The following LRRC4C variants were observed in gnomAD, a reference collection of about 807,000 sequenced individuals.
The protein encoded by LRRC4C is leucine rich repeat containing 4C, also known as leucine-rich repeat-containing protein 4C.
LRRC4C carries 5 observed loss-of-function variants against 33.6 expected under a neutral mutation model. That is an observed-to-expected ratio of 0.15 (90% confidence interval 0.08 to 0.31). The LOEUF is 0.31. Among genes scored for constraint, LRRC4C ranks in the 10% least tolerant of loss-of-function variants. LRRC4C has a pLI of 1.00. For synonymous variants in LRRC4C, 329 were observed against 302.0 expected (o/e 1.09, Z -0.93); for missense variants, 560 against 796.7 (o/e 0.70, Z 3.58).
chr11:40,913,593 C>G (rs545745654), intron 2 of LRRC4C, among the ~76,000 whole-genome samples: 1 of 152,116 alleles, frequency 6.6e-6, no homozygotes, highest in Non-Finnish European at 1.5e-5. Flanking sequence ...CAAGAGAAAG[C>G]AGGAAAGATC....
chr11:40,346,768 C>T (rs576503092), intron 3 of LRRC4C, among the ~76,000 whole-genome samples: 1 of 152,120 alleles, frequency 6.6e-6, no homozygotes, highest in African/African-American at 2.4e-5. Context: ...TCTTGAGTGA[C>T]CGAGTACATT....
chr11:40,157,576 A>G (rs1049498637), intron 5 of LRRC4C, among the ~76,000 whole-genome samples: 1 of 152,124 alleles, frequency 6.6e-6, no homozygotes, highest in Non-Finnish European at 1.5e-5. Context: ...AAAACAAACA[A>G]TCCCATCAAA....
chr11:40,115,388 G>C lies in LRRC4C; in HGVS notation c.905C>G (p.Pro302Arg), dbSNP rs373629997. The change falls in exon 7 of 7, where the codon CCT becomes CGT. Residue 302 changes from proline to arginine, a missense_variant. Pro to Arg is a moderately radical substitution (Grantham distance 103). Transcript: ENST00000528697. This position sits in a 1 kb window ranked among gnomAD's most constrained non-coding sequence, Gnocchi z 6.7. Reference sequence around the variant, plus strand: ...CAGTATGTCACAGTTACAGTTCCAAGGGTTGTGATGTAAATGTATCCGCTC... The same window carrying C: ...CAGTATGTCACAGTTACAGTTCCAACGGTTGTGATGTAAATGTATCCGCTC... ...HLERIHLHHN[P>R]WNCNCDILWL... is the part of the protein sequence containing the mutation. 1 of 1,614,070 alleles carries C rather than the reference G, an allele frequency of 6.2e-7. No homozygotes were observed. The highest frequency in any genetic ancestry group is 1.3e-5 in the African/African-American group (1 of 74,930).
At chr11:40,988,713 C>CTTTTTTTTTTT (rs869034558) in intron 1 of LRRC4C, among the ~76,000 whole-genome samples, 5 of 57,744 alleles carry the variant, frequency 8.7e-5, no homozygotes, top group Non-Finnish European at 1.7e-4. Context: ...CTTTTCTTTT[C>CTTTTTTTTTTT]TTTTTTTTTT....
At position 41,230,263 on chromosome 11, in the gene LRRC4C, A is replaced by G. The variant is rs1045433934; in HGVS notation, c.-496+229168T>C. Among the ~76,000 whole-genome samples the G allele has an allele frequency of 1.1e-4, 16 of 152,220 alleles. No individual in the cohort carries two copies. In the South Asian group the frequency reaches 1.7e-3, roughly 16 times the overall value. On this transcript the variant is annotated intron_variant, in intron 1 of 6. Coordinates refer to ENST00000528697, the MANE Select transcript of LRRC4C (RefSeq NM_001258419.2). ...GTTATAGAACTGCATGACCACCATT[A>G]GCTTAAACTCAGAATGTGTAGAAGA...
chr11:40,684,980 A>G (rs1474193795), intron 2 of LRRC4C, among the ~76,000 whole-genome samples: 1 of 152,110 alleles, frequency 6.6e-6, no homozygotes, highest in Non-Finnish European at 1.5e-5. Flanking sequence ...TGAGAAAAAT[A>G]TAATACACTC....
chr11:40,906,658 A>C (rs1259396027), intron 2 of LRRC4C, among the ~76,000 whole-genome samples: 1 of 152,120 alleles, frequency 6.6e-6, no homozygotes, highest in Non-Finnish European at 1.5e-5. Flanking sequence ...GTTGTCTGGA[A>C]CTGAACCTCC....
At chr11:40,871,674 G>C (rs2135943103) in intron 2 of LRRC4C, among the ~76,000 whole-genome samples, 1 of 152,166 alleles carries the variant, frequency 6.6e-6, no homozygotes, top group Non-Finnish European at 1.5e-5. Context: ...AGAACTCAGA[G>C]TTATCTCTTC....
intron 2 of LRRC4C, among the ~76,000 whole-genome samples, chr11:40,862,462 C>T (rs1299793015): frequency 6.6e-6 from 1 of 152,182 alleles, no homozygotes; most frequent in Non-Finnish European, 1.5e-5. Flanking sequence ...TAAAGTAAGA[C>T]ATTTTACAAC....
intron 3 of LRRC4C, among the ~76,000 whole-genome samples, chr11:40,436,398 A>T (rs1259134898): frequency 6.6e-6 from 1 of 152,210 alleles, no homozygotes; most frequent in African/African-American, 2.4e-5. Context: ...CTGCCCCCAA[A>T]AAGTGTCACT....
At chr11:40,673,416 T>C (rs1357865861) in intron 2 of LRRC4C, among the ~76,000 whole-genome samples, 1 of 152,178 alleles carries the variant, frequency 6.6e-6, no homozygotes, top group Admixed American at 6.5e-5. Context: ...TATCTTATTC[T>C]ACAGGCCATA....
chr11:40,631,297 C>T (rs1963459599), intron 3 of LRRC4C, among the ~76,000 whole-genome samples: 1 of 152,138 alleles, frequency 6.6e-6, no homozygotes, highest in South Asian at 2.1e-4. Context: ...TTAAATCACA[C>T]TGGAGATGTG....
chr11:40,538,292 A>G (rs899696381), intron 3 of LRRC4C, among the ~76,000 whole-genome samples: 9 of 151,080 alleles, frequency 6.0e-5, no homozygotes, highest in Admixed American at 5.3e-4. Flanking sequence ...CTTCCCCCCA[A>G]CCCACACAGG....
At chr11:40,255,231 T>A (rs1289887156) in intron 4 of LRRC4C, among the ~76,000 whole-genome samples, 1 of 151,976 alleles carries the variant, frequency 6.6e-6, no homozygotes, top group Non-Finnish European at 1.5e-5. Flanking sequence ...CCGGACAAGG[T>A]GACACCTGAG....
chr11:40,456,854 A>G (rs773446014), intron 3 of LRRC4C, among the ~76,000 whole-genome samples: 1 of 151,362 alleles, frequency 6.6e-6, no homozygotes, highest in Non-Finnish European at 1.5e-5. Context: ...GAAGGAAGGA[A>G]GGAAGAGAGA....
At chr11:40,867,494 A>C (rs546467264) in intron 2 of LRRC4C, among the ~76,000 whole-genome samples, 3 of 152,214 alleles carry the variant, frequency 2.0e-5, no homozygotes, top group African/African-American at 7.2e-5. Flanking sequence ...TGCCCTGTGC[A>C]TTCACATTCC....
At chr11:40,476,174 AGTGT>A (rs1267463864) in intron 3 of LRRC4C, among the ~76,000 whole-genome samples, 1 of 152,080 alleles carries the variant, frequency 6.6e-6, no homozygotes, top group South Asian at 2.1e-4. Context: ...TCCAACTAGA[AGTGT>A]GTGTGTGCAT....
intron 2 of LRRC4C, among the ~76,000 whole-genome samples, chr11:40,915,780 T>C (rs1380807489): frequency 6.6e-6 from 1 of 151,884 alleles, no homozygotes; most frequent in Middle Eastern, 3.4e-3. Flanking sequence ...TGGGAGAAAA[T>C]TTTTGCAATC....
intron 2 of LRRC4C, among the ~76,000 whole-genome samples, chr11:40,924,049 T>C (rs1019218544): frequency 2.0e-5 from 3 of 151,748 alleles, no homozygotes; most frequent in Admixed American, 1.3e-4. Flanking sequence ...CAGGGACTTG[T>C]AGAGTTATAT....
Sources: allele counts gnomAD v4.1 joint callset (sites outside exome capture counted in the v4.1 genomes callset), GRCh38; gene constraint gnomAD v4.1.1; non-coding constraint Gnocchi (gnomAD v3.1); transcripts MANE v1.5; gene names NCBI Gene and HGNC (gene_info 2026-07-23, HGNC 2026-07-21).